EPS15: variants seen among roughly 807,000 people sequenced by gnomAD.
The protein encoded by EPS15 is epidermal growth factor receptor substrate 15.
A neutral mutation model predicts 113.8 loss-of-function variants in EPS15; 72 were observed. That is an observed-to-expected ratio of 0.63 (90% confidence interval 0.52 to 0.77). The LOEUF is 0.77. Ranked by LOEUF, EPS15 falls within the 30% of genes least tolerant of loss-of-function variation. EPS15 has a pLI of 0.00. For synonymous variants in EPS15, 344 were observed against 363.4 expected, an observed-to-expected ratio of 0.95 and a Z score of 0.61; for missense variants, 1,048 against 1,045.8, an observed-to-expected ratio of 1.00 and a Z score of -0.03.
At chr1:51,374,924 C>T (rs1475526991) in intron 21 of EPS15, among the ~76,000 whole-genome samples, 1 of 151,674 alleles carries the variant, frequency 6.6e-6, no homozygotes, top group African/African-American at 2.4e-5. Context: ...CTCCTGTCTG[C>T]CTCGGCCTCC....
chr1:51,388,645 G>A (rs570436930), intron 21 of EPS15, among the ~76,000 whole-genome samples: 3,189 of 152,076 alleles, frequency 0.021, 51 homozygotes, highest in Non-Finnish European at 0.031. Flanking sequence ...TATCACCACC[G>A]ATCCCACAGA....
intron 19 of EPS15, among the ~76,000 whole-genome samples, chr1:51,400,712 C>CAAAAAAAAAAAAAAAAACA (rs1648438076): frequency 1.7e-5 from 1 of 60,188 alleles, no homozygotes; most frequent in Non-Finnish European, 3.1e-5. Flanking sequence ...CAAAAAACAC[C>CAAAAAAAAAAAAAAAAACA]AAAAAAAAAA....
At chr1:51,385,623 T>C (rs900231756) in intron 21 of EPS15, among the ~76,000 whole-genome samples, 3 of 152,204 alleles carry the variant, frequency 2.0e-5, no homozygotes, top group African/African-American at 7.2e-5. Context: ...AGTAGCATTA[T>C]GCACACAAAC....
intron 21 of EPS15, among the ~76,000 whole-genome samples, chr1:51,375,434 C>A (rs1257108966): frequency 6.6e-6 from 1 of 152,068 alleles, no homozygotes; most frequent in African/African-American, 2.4e-5. Context: ...TTCCCCTGTT[C>A]CGTAGGATCA....
At chr1:51,386,502 AC>A (rs2148391771) in intron 21 of EPS15, among the ~76,000 whole-genome samples, 1 of 152,330 alleles carries the variant, frequency 6.6e-6, no homozygotes, top group South Asian at 2.1e-4. Flanking sequence ...CGCTGCTGAT[AC>A]CCAGGCAAAC....
In EPS15 at chr1:51,361,312, T is replaced by G. The variant is rs139788081; in HGVS notation, c.2403A>C (p.Lys801Asn). 668 of 1,613,936 alleles carry G rather than the reference T, an allele frequency of 4.1e-4. 1 individual carries two copies. The African/African-American group carries it at 8.2e-3, about 20-fold the overall frequency. ...INKLDSPDPF[K>N]LNDPFQPFPG... Reference sequence around the variant, plus strand: ...GGAAAGGCTGAAATGGATCATTCAGTTTAAAGGGATCAGGAGAATCCAATT... The same window carrying G: ...GGAAAGGCTGAAATGGATCATTCAGGTTAAAGGGATCAGGAGAATCCAATT... Residue 801 changes from lysine (K) to asparagine (N), a missense_variant, in exon 24 of 25, where the codon AAA (lysine) becomes AAC (asparagine). Coordinates refer to ENST00000371733, the MANE Select transcript of EPS15 (RefSeq NM_001981.3).
chr1:51,465,351 A>T, intron 5 of EPS15, 25 bp from the exon 6 acceptor site: 1 of 1,527,400 alleles, frequency 6.5e-7, no homozygotes, highest in Non-Finnish European at 8.9e-7. Flanking sequence ...AAAGCACAAC[A>T]AGAGTTGAAA....
chr1:51,417,124 A>G (rs2148443357), intron 13 of EPS15, among the ~76,000 whole-genome samples: 1 of 152,244 alleles, frequency 6.6e-6, no homozygotes, highest in South Asian at 2.1e-4. Flanking sequence ...CAGAAAAAGA[A>G]TGCTGAGCTC....
At chr1:51,424,702 G>A (rs368049859) in intron 12 of EPS15, among the ~76,000 whole-genome samples, 10 of 152,058 alleles carry the variant, frequency 6.6e-5, no homozygotes, top group African/African-American at 2.4e-4. Flanking sequence ...TGAGGAGTTC[G>A]AGACCAGCCT....
chr1:51,399,573 T>C (rs1648311199), intron 19 of EPS15, among the ~76,000 whole-genome samples: 1 of 141,450 alleles, frequency 7.1e-6, no homozygotes, highest in African/African-American at 2.6e-5. Context: ...AAAAAGACAG[T>C]TTGGGCCAGG....
At chr1:51,442,325 G>A (rs752206718) in intron 11 of EPS15, among the ~76,000 whole-genome samples, 5 of 151,974 alleles carry the variant, frequency 3.3e-5, no homozygotes, top group Non-Finnish European at 5.9e-5. Context: ...TGCTATCAGA[G>A]GTGCAAATGT....
At chr1:51,497,894 T>C (rs1199556799) in intron 1 of EPS15, among the ~76,000 whole-genome samples, 1 of 151,756 alleles carries the variant, frequency 6.6e-6, no homozygotes, top group Non-Finnish European at 1.5e-5. Flanking sequence ...GGAGAATCGC[T>C]TGAACGCAGG....
At chr1:51,374,956 G>A (rs1224569436) in intron 21 of EPS15, among the ~76,000 whole-genome samples, 3 of 147,502 alleles carry the variant, frequency 2.0e-5, no homozygotes, top group Admixed American at 1.3e-4. Context: ...AATTACAGGT[G>A]TAAGCCACCT....
intron 17 of EPS15, 106 bp downstream of exon 17, chr1:51,403,313 A>C (rs768451827): frequency 5.8e-6 from 3 of 519,426 alleles, no homozygotes; most frequent in Non-Finnish European, 1.0e-5. Context: ...TGTATCTATC[A>C]TCTGAATAAT....
Position 51,354,879 on chromosome 1 carries a change from T to G in EPS15, c.*1821A>C, listed in dbSNP as rs1278530160. 4.9e-6 allele frequency: 1 copy of G among 202,548 alleles called. No individual in the cohort carries two copies. Among genetic ancestry groups the G allele is most frequent in the Admixed American group, 6.0e-5 (1 of 16,678 alleles). The allele number at this position is 202,548 out of a possible 1,614,324, so 12.5% of individuals were successfully genotyped here. ...TAATATTTGAGTTTAATTGAAAATTTTTTTGAAGCATTTAAACATTTGCTT... is the reference window on the plus strand; with the variant it reads ...TAATATTTGAGTTTAATTGAAAATTGTTTTGAAGCATTTAAACATTTGCTT... On this transcript the variant is annotated 3_prime_UTR_variant, in exon 25 of 25. Coordinates refer to ENST00000371733, the MANE Select transcript of EPS15 (RefSeq NM_001981.3).
rs557660928 is a variant in EPS15 at position 51,398,237 on chromosome 1, T to A, written c.2052+795A>T. On this transcript the variant is annotated intron_variant, in intron 20 of 24. Coordinates refer to ENST00000371733, the MANE Select transcript of EPS15 (RefSeq NM_001981.3). ...CCTGGCTAATTTTTTGTATTTTTAGTAGAGACGAGTTTTCACCGTGTTAGC... is the reference window on the plus strand; with the variant it reads ...CCTGGCTAATTTTTTGTATTTTTAGAAGAGACGAGTTTTCACCGTGTTAGC... Among the ~76,000 whole-genome samples the A allele has an allele frequency of 3.9e-5, 6 of 152,140 alleles. No homozygotes were observed. In the South Asian group the frequency reaches 1.0e-3, roughly 26 times the overall value.
chr1:51,388,799 C>G (rs1442498927), intron 21 of EPS15, among the ~76,000 whole-genome samples: 6 of 152,148 alleles, frequency 3.9e-5, no homozygotes, highest in Admixed American at 3.3e-4. Context: ...AGACCAATAA[C>G]AGACTCTGAA....
chr1:51,372,273 C>T, intron 21 of EPS15: 1 of 493,762 alleles, frequency 2.0e-6, no homozygotes, highest in South Asian at 1.5e-5. Flanking sequence ...GATGTCAGAG[C>T]TGGCAGTGCA....
In EPS15 at chr1:51,364,027, A is replaced by G. The variant is rs749824841; in HGVS notation, c.2198T>C (p.Val733Ala). 2.5e-6 allele frequency: 4 copies of G among 1,607,552 alleles called. No homozygotes were observed. Among genetic ancestry groups the G allele is most frequent in the Non-Finnish European group, 3.4e-6 (4 of 1,176,446 alleles). ...GFADFSTLSK[V>A]NNEDPFRSAT... ...TGAACGAAAAGGATCTTCATTGTTG[A>G]CCTTTGTTTAAAAAGAAATGGTTAT... Residue 733 changes from valine to alanine, a missense_variant and splice_region_variant, in exon 23 of 25, where the codon GTC becomes GCC. By Grantham distance (64) the Val-to-Ala change is moderately conservative. Transcript: ENST00000371733.
Sources: gnomAD v4.1 joint callset for allele counts (sites outside exome capture counted in the v4.1 genomes callset) on GRCh38, gnomAD v4.1.1 for gene constraint, MANE v1.5 for transcripts, NCBI Gene and HGNC (gene_info 2026-07-23, HGNC 2026-07-21) for gene names.